Variants in DSE observed in about 807,000 individuals in gnomAD.
The protein encoded by DSE is dermatan-sulfate epimerase.
A neutral mutation model predicts 84.4 loss-of-function variants in DSE; 36 were observed. The observed-to-expected ratio is 0.43, with a 90% CI of 0.33 to 0.56. The LOEUF (loss-of-function observed/expected upper bound fraction) is 0.56, where lower values mean the gene tolerates loss of function less well. DSE is among the 20% of genes least tolerant of loss of function. DSE has a pLI of 0.06. For synonymous variants in DSE, 410 were observed against 430.1 expected, an observed-to-expected ratio of 0.95 and a Z score of 0.58; for missense variants, 862 against 1,169.6, an observed-to-expected ratio of 0.74 and a Z score of 3.84.
chr6:116,335,114 G>A (rs937673727), intron 2 of DSE, among the ~76,000 whole-genome samples: 11 of 152,068 alleles, frequency 7.2e-5, no homozygotes, highest in African/African-American at 2.7e-4. Context: ...GCAAAGACAT[G>A]GAATCAACCT....
chr6:116,259,735 G>A (rs563353218), intron 2 of DSE, among the ~76,000 whole-genome samples: 35 of 152,258 alleles, frequency 2.3e-4, no homozygotes, highest in African/African-American at 7.7e-4. Context: ...AAGAGAATTC[G>A]TGGTATTTGG....
At chr6:116,329,918 G>T (rs1169365212) in intron 2 of DSE, among the ~76,000 whole-genome samples, 1 of 152,186 alleles carries the variant, frequency 6.6e-6, no homozygotes, top group African/African-American at 2.4e-5. Flanking sequence ...CCGCCTTCCG[G>T]ATTCAAGTGA....
At chr6:116,376,382 A>G (rs905906709) in intron 1 of DSE, among the ~76,000 whole-genome samples, 1 of 152,234 alleles carries the variant, frequency 6.6e-6, no homozygotes, top group African/African-American at 2.4e-5. Context: ...TGGATTCCAG[A>G]TCCTCTTTCA....
chr6:116,370,322 A>T (rs975018294), upstream of DSE: 4 of 324,632 alleles, frequency 1.2e-5, no homozygotes, highest in African/African-American at 8.9e-5. Flanking sequence ...GTGCGCTTGG[A>T]TTTAGTGTAT....
rs756132262 is a variant in DSE, at chr6:116,433,324, T to G, written c.911-19T>G. Reference sequence around the variant, plus strand: ...GAAGTTTTCAAAGTATCTTAATTCTTTCCAACTTATTTCCCTAGGGTTTCA... The same window carrying G: ...GAAGTTTTCAAAGTATCTTAATTCTGTCCAACTTATTTCCCTAGGGTTTCA... On this transcript the variant is annotated intron_variant, in intron 4 of 5. Coordinates refer to ENST00000644252, the MANE Select transcript of DSE (RefSeq NM_013352.4). 1.9e-6 allele frequency: 3 copies of G among 1,549,808 alleles called. No individual in the cohort carries two copies. The East Asian group carries it at 7.3e-5, about 38-fold the overall frequency.
chr6:116,380,995 T>C (rs1780188596), intron 1 of DSE, among the ~76,000 whole-genome samples: 1 of 152,196 alleles, frequency 6.6e-6, no homozygotes, highest in Non-Finnish European at 1.5e-5. Flanking sequence ...AGTTGTACTT[T>C]GTCATTCTTA....
In DSE at chr6:116,431,056, G is replaced by C. The variant is rs1399982336; in HGVS notation, c.773G>C (p.Gly258Ala). Residue 258 changes from glycine to alanine, a missense_variant, in exon 4 of 6, where the codon GGA becomes GCA. Physicochemically the swap from Gly to Ala is moderately conservative, Grantham distance 60 (BLOSUM62 0). This residue lies in a region of DSE where 309 missense variants were observed against 516.9 expected (regional missense o/e 0.60). Transcript: ENST00000644252. The part of the protein sequence containing the change: ...REVTDGSLYE[G>A]VAYGSYTTRS... ...GTGACGGATGGCTCCCTCTATGAAG[G>C]AGTTGCGTATGGCAGCTACACCACT... The C allele has an allele frequency of 6.2e-7, 1 of 1,614,122 alleles. No individual in the cohort carries two copies.
chr6:116,429,289 A>G (rs1783657346), intron 3 of DSE, among the ~76,000 whole-genome samples: 1 of 152,164 alleles, frequency 6.6e-6, no homozygotes, highest in South Asian at 2.1e-4. Context: ...GTCAGGAGCC[A>G]AGTCTTAGCC....
rs1315905243 is a variant in DSE, at chr6:116,444,500, G to A, written c.*7155G>A. The A allele has an allele frequency of 6.6e-6, 1 of 152,190 alleles. No individual in the cohort carries two copies. The highest frequency in any genetic ancestry group is 1.5e-5 in the Non-Finnish European group (1 of 68,022). The allele number at this position is 152,190 out of a possible 1,614,324, so 9.4% of individuals were successfully genotyped here. On this transcript the variant is annotated 3_prime_UTR_variant, in exon 6 of 6. Transcript: ENST00000644252. ...AAATTGGTGGATTAATGACTGAATG[G>A]AGTACAGAAGACTGTGGTCCCAGAA...
chr6:116,411,228 C>G (rs1252932910), intron 2 of DSE, among the ~76,000 whole-genome samples: 1 of 152,084 alleles, frequency 6.6e-6, no homozygotes, highest in African/African-American at 2.4e-5. Context: ...AATATGCTTT[C>G]AGGTACAATA....
intron 2 of DSE, among the ~76,000 whole-genome samples, chr6:116,327,288 T>C (rs1238788046): frequency 6.6e-6 from 1 of 152,166 alleles, no homozygotes; most frequent in Non-Finnish European, 1.5e-5. Context: ...GCCAAAGACT[T>C]TACGAGATTA....
chr6:116,405,733 A>G (rs976037911), intron 2 of DSE, among the ~76,000 whole-genome samples: 3 of 152,256 alleles, frequency 2.0e-5, no homozygotes, highest in African/African-American at 7.2e-5. Flanking sequence ...GGTTGTTGCC[A>G]TCAGTGTTAC....
intron 2 of DSE, chr6:116,279,673 C>A: frequency 6.2e-7 from 1 of 1,608,578 alleles, no homozygotes. Flanking sequence ...GGTCTCCGAG[C>A]CTCCCTCACC....
intron 2 of DSE, among the ~76,000 whole-genome samples, chr6:116,346,323 G>C (rs1482324573): frequency 6.6e-6 from 1 of 152,102 alleles, no homozygotes; most frequent in Non-Finnish European, 1.5e-5. Context: ...CAAAAAAAGA[G>C]AATTTTAGAC....
chr6:116,417,405 C>T (rs1000480058), intron 2 of DSE, among the ~76,000 whole-genome samples: 2 of 152,180 alleles, frequency 1.3e-5, no homozygotes, highest in Non-Finnish European at 2.9e-5. Context: ...TATATTCCGA[C>T]ACTTCGATTC....
intron 1 of DSE, among the ~76,000 whole-genome samples, chr6:116,384,198 TCAG>T (rs980640593): frequency 1.3e-5 from 2 of 152,202 alleles, no homozygotes; most frequent in Non-Finnish European, 2.9e-5. Context: ...AAACAGTCAT[TCAG>T]CAGAAAGGAA....
intron 2 of DSE, among the ~76,000 whole-genome samples, chr6:116,301,110 G>A (rs898544584): frequency 6.6e-6 from 1 of 151,988 alleles, no homozygotes. Context: ...GGACTTCTGA[G>A]GTGGTCAGGG....
chr6:116,413,262 A>G (rs1312521630), intron 2 of DSE, among the ~76,000 whole-genome samples: 2 of 152,100 alleles, frequency 1.3e-5, no homozygotes, highest in East Asian at 1.9e-4. Context: ...CTCATTTTCT[A>G]TTTCATTCCG....
At chr6:116,403,251 A>G (rs1206797155) in intron 2 of DSE, among the ~76,000 whole-genome samples, 1 of 152,140 alleles carries the variant, frequency 6.6e-6, no homozygotes, top group African/African-American at 2.4e-5. Flanking sequence ...CACATTCTTC[A>G]TTACAGTAAA....
Sources: allele counts gnomAD v4.1 joint callset (sites outside exome capture counted in the v4.1 genomes callset), GRCh38; gene constraint gnomAD v4.1.1; regional missense constraint gnomAD v4.1.1; transcripts MANE v1.5; gene names NCBI Gene and HGNC (gene_info 2026-07-23, HGNC 2026-07-21).